Variants in RBFOX1 observed in about 807,000 individuals in gnomAD.
RBFOX1 encodes RNA binding fox-1 homolog 1, also known as RNA binding protein fox-1 homolog 1.
A neutral mutation model predicts 57.7 loss-of-function variants in RBFOX1; 8 were observed. The observed-to-expected ratio is 0.14, with a 90% CI of 0.08 to 0.25. RBFOX1 has a LOEUF of 0.25. Ranked by LOEUF, RBFOX1 falls within the 10% of genes least tolerant of loss-of-function variation. The pLI, the probability that RBFOX1 is intolerant of heterozygous loss-of-function variation, is 1.00. For missense variants in RBFOX1, 611 were observed against 548.5 expected (o/e 1.11, Z -1.14); for synonymous variants, 326 against 222.4 (o/e 1.47, Z -4.15).
chr16:6,783,918 C>G (rs1278204051), intron 3 of RBFOX1, among the ~76,000 whole-genome samples: 6 of 152,098 alleles, frequency 3.9e-5, no homozygotes, highest in Non-Finnish European at 2.9e-5. Context: ...ATATAATGTT[C>G]TAGCTTTGAA....
chr16:6,644,109 G>C (rs956599028), intron 2 of RBFOX1, among the ~76,000 whole-genome samples: 1 of 152,160 alleles, frequency 6.6e-6, no homozygotes, highest in Non-Finnish European at 1.5e-5. Context: ...CTGGGCAACA[G>C]AGCGAGACTC....
intron 4 of RBFOX1, among the ~76,000 whole-genome samples, chr16:7,129,518 G>C (rs908686236): frequency 2.0e-5 from 3 of 152,128 alleles, no homozygotes; most frequent in African/African-American, 7.2e-5. Context: ...ATAAGACCTT[G>C]CCATGATACT....
chr16:7,075,127 G>A (rs1365668723), intron 4 of RBFOX1, among the ~76,000 whole-genome samples: 4 of 152,226 alleles, frequency 2.6e-5, no homozygotes, highest in Non-Finnish European at 5.9e-5. Context: ...ATGGGGCTGA[G>A]GCTGTGCAGT....
intron 2 of RBFOX1, among the ~76,000 whole-genome samples, chr16:6,322,116 T>C (rs1328284346): frequency 6.6e-6 from 1 of 152,226 alleles, no homozygotes; most frequent in East Asian, 1.9e-4. Flanking sequence ...TTTATCTGTA[T>C]CTTCTAAGAG....
At chr16:7,677,011 T>G (rs151217656) in intron 14 of RBFOX1, among the ~76,000 whole-genome samples, 173 bp downstream of exon 14, 42 of 152,066 alleles carry the variant, frequency 2.8e-4, no homozygotes, top group African/African-American at 9.4e-4. Context: ...AGAGGGCAAA[T>G]GCTTCAGCCA....
At chr16:7,324,866 A>C (rs755181044) in intron 4 of RBFOX1, among the ~76,000 whole-genome samples, 2 of 152,214 alleles carry the variant, frequency 1.3e-5, no homozygotes, top group Admixed American at 1.3e-4. Context: ...TACCATCTTC[A>C]TCATCCCTAA....
At chr16:5,671,004 C>T (rs2049997729) in intron 3 of RBFOX1, among the ~76,000 whole-genome samples, 1 of 152,240 alleles carries the variant, frequency 6.6e-6, no homozygotes, top group African/African-American at 2.4e-5. Flanking sequence ...GAGCCCCCCT[C>T]ACTGAAATCC....
chr16:5,895,903 A>C lies in RBFOX1; in HGVS notation c.351+28568A>C, dbSNP rs553272375. Among the ~76,000 whole-genome samples, 15 of 152,334 alleles carry C rather than the reference A, an allele frequency of 9.8e-5. No homozygotes were observed. The South Asian group carries it at 3.1e-3, about 32-fold the overall frequency. ...AAATATTATCATGTTCCCAAGAGGC[A>C]CATTTCTAAATCAAAAAGAATGGAA... On this transcript the variant is annotated intron_variant, in intron 4 of 19. Coordinates refer to the RBFOX1 transcript ENST00000641259.
At chr16:7,405,556 G>T (rs902866676) in intron 4 of RBFOX1, among the ~76,000 whole-genome samples, 2 of 152,142 alleles carry the variant, frequency 1.3e-5, no homozygotes, top group African/African-American at 4.8e-5. Flanking sequence ...TATGCCTCCC[G>T]TGTGCGCCTC....
rs60365757 is a variant in RBFOX1, at chr16:6,139,352, A to G, written c.-127+119360A>G. On this transcript the variant is annotated intron_variant, in intron 1 of 15. Transcript: ENST00000550418. ...TCACACAGACCAAGGTGAGGTCCCA[A>G]CTCTGCTGCTTTCTGGCTGTGTGGT... Among the ~76,000 whole-genome samples the G allele has an allele frequency of 3.1e-3, 478 of 152,080 alleles. 1 individual carries two copies. The highest frequency in any genetic ancestry group is 0.011 in the African/African-American group (444 of 41,470).
chr16:7,232,181 G>T (rs558300553), intron 4 of RBFOX1, among the ~76,000 whole-genome samples: 15 of 152,124 alleles, frequency 9.9e-5, no homozygotes, highest in African/African-American at 3.6e-4. Flanking sequence ...ATACCACCAG[G>T]CCCAACTAAT....
intron 3 of RBFOX1, among the ~76,000 whole-genome samples, chr16:6,828,445 A>G (rs756621183): frequency 5.9e-5 from 9 of 151,764 alleles, no homozygotes; most frequent in Non-Finnish European, 1.3e-4. Context: ...AATCACTTGA[A>G]CCCAGGAGGA....
At chr16:5,692,105 A>G (rs1381479862) in intron 3 of RBFOX1, among the ~76,000 whole-genome samples, 1 of 152,034 alleles carries the variant, frequency 6.6e-6, no homozygotes, top group African/African-American at 2.4e-5. Context: ...GATAAACTGT[A>G]GTAACTTTAA....
At chr16:6,743,668 G>C (rs1178990446) in intron 3 of RBFOX1, among the ~76,000 whole-genome samples, 1 of 151,806 alleles carries the variant, frequency 6.6e-6, no homozygotes, top group African/African-American at 2.4e-5. Context: ...ACTTGAGCCT[G>C]GGAGGCTGAG....
At chr16:6,993,974 G>A (rs2091901706) in intron 3 of RBFOX1, among the ~76,000 whole-genome samples, 1 of 152,202 alleles carries the variant, frequency 6.6e-6, no homozygotes, top group Admixed American at 6.5e-5. Flanking sequence ...GCAGGGAAGA[G>A]GGGTGGAGGT....
intron 3 of RBFOX1, among the ~76,000 whole-genome samples, chr16:5,824,839 C>T (rs150439161): frequency 2.2e-4 from 34 of 152,270 alleles, no homozygotes; most frequent in Middle Eastern, 3.4e-3. Context: ...CTTCCCATCC[C>T]TGGTTCCCGA....
At chr16:7,585,971 C>T (rs775572616) in intron 6 of RBFOX1, among the ~76,000 whole-genome samples, 2 of 152,014 alleles carry the variant, frequency 1.3e-5, no homozygotes, top group South Asian at 4.2e-4. Context: ...GCGTAATGCT[C>T]TCCACTCAAG....
chr16:7,014,573 T>G (rs932350892), intron 3 of RBFOX1, among the ~76,000 whole-genome samples: 21 of 152,042 alleles, frequency 1.4e-4, no homozygotes, highest in African/African-American at 5.1e-4. Flanking sequence ...CACCCCGTCT[T>G]AAACTGAATT....
chr16:6,601,569 G>A (rs1601154218), intron 2 of RBFOX1, among the ~76,000 whole-genome samples: 1 of 152,208 alleles, frequency 6.6e-6, no homozygotes, highest in South Asian at 2.1e-4. Flanking sequence ...GTTAGCTCTG[G>A]TTAAAGGCTG....
Sources: gnomAD v4.1 joint callset for allele counts (sites outside exome capture counted in the v4.1 genomes callset) on GRCh38, gnomAD v4.1.1 for gene constraint, MANE v1.5 for transcripts, NCBI Gene and HGNC (gene_info 2026-07-23, HGNC 2026-07-21) for gene names.